The following DSCAML1 variants were observed in gnomAD, a reference collection of about 807,000 sequenced individuals.
DSCAML1 encodes the protein DS cell adhesion molecule like 1.
DSCAML1 carries 38 observed loss-of-function variants against 200.5 expected under a neutral mutation model. The observed-to-expected ratio is 0.19, with a 90% confidence interval of 0.15 to 0.25. DSCAML1 has a LOEUF of 0.25. Ranked by LOEUF, DSCAML1 falls within the 10% of genes least tolerant of loss-of-function variation. The pLI, the probability that DSCAML1 is intolerant of heterozygous loss-of-function variation, is 1.00. For missense variants in DSCAML1, 2,223 were observed against 2,858.8 expected, an observed-to-expected ratio of 0.78 and a Z score of 5.07; for synonymous variants, 1,215 against 1,165.0, an observed-to-expected ratio of 1.04 and a Z score of -0.87.
chr11:117,517,445 TC>T (rs1423563068), intron 7 of DSCAML1, among the ~76,000 whole-genome samples: 3 of 151,926 alleles, frequency 2.0e-5, no homozygotes, highest in African/African-American at 7.3e-5. Context: ...GGGCCTCAGG[TC>T]CCCATCCAGA....
At chr11:117,727,113 C>T (rs2054145655) in intron 3 of DSCAML1, among the ~76,000 whole-genome samples, 1 of 152,052 alleles carries the variant, frequency 6.6e-6, no homozygotes, top group African/African-American at 2.4e-5. Context: ...TGTTCTTACC[C>T]CACATTTATA....
intron 3 of DSCAML1, among the ~76,000 whole-genome samples, chr11:117,685,529 C>T (rs1191002964): frequency 6.6e-6 from 1 of 152,162 alleles, no homozygotes; most frequent in Non-Finnish European, 1.5e-5. Flanking sequence ...GGTCCCAGCA[C>T]CCCTAGGTAA....
intron 1 of DSCAML1, among the ~76,000 whole-genome samples, chr11:117,782,400 G>A (rs2055280710): frequency 6.6e-6 from 1 of 152,232 alleles, no homozygotes; most frequent in Non-Finnish European, 1.5e-5. Flanking sequence ...TGCATTTGCT[G>A]TCCCCACCAG....
At chr11:117,564,698 CTTCCTTTCTTCCTTCT>C (rs943095463) in intron 3 of DSCAML1, among the ~76,000 whole-genome samples, 5 of 149,790 alleles carry the variant, frequency 3.3e-5, no homozygotes, top group East Asian at 2.0e-4. Context: ...CCTATCCTTC[CTTCCTTTCTTCCTTCT>C]TTCCTTTCCT....
chr11:117,722,014 T>C (rs538666508), intron 3 of DSCAML1, among the ~76,000 whole-genome samples: 52 of 152,032 alleles, frequency 3.4e-4, no homozygotes, highest in Non-Finnish European at 7.1e-4. Context: ...CTGTTTTTGG[T>C]TTGGTATTGT....
intron 3 of DSCAML1, among the ~76,000 whole-genome samples, chr11:117,664,967 C>G (rs981019748): frequency 6.6e-6 from 1 of 152,184 alleles, no homozygotes; most frequent in Non-Finnish European, 1.5e-5. Context: ...CTGGGCACCC[C>G]CAGACCCAGC....
chr11:117,483,991 T>C (rs1592649279), intron 11 of DSCAML1, among the ~76,000 whole-genome samples: 2 of 151,504 alleles, frequency 1.3e-5, no homozygotes. Flanking sequence ...AGGGGCTTTG[T>C]CTTCTCTGTC....
Position 117,750,505 on chromosome 11 carries a change from A to G in DSCAML1, c.511+26286T>C, listed in dbSNP as rs569745797. ...GCACATGTGTTGGGCAGAGAAGGAT[A>G]AACAACACCCAGTGAACGTGGATGA... On this transcript the variant is annotated intron_variant, in intron 3 of 32. Transcript: ENST00000651296. Among the ~76,000 whole-genome samples, 103 of 152,322 alleles carry G rather than the reference A, an allele frequency of 6.8e-4. 1 individual carries two copies. Among genetic ancestry groups the G allele is most frequent in the Non-Finnish European group, 1.3e-3 (90 of 68,022 alleles).
chr11:117,640,562 ACTC>A (rs1419362939), intron 3 of DSCAML1, among the ~76,000 whole-genome samples: 8 of 151,920 alleles, frequency 5.3e-5, no homozygotes, highest in African/African-American at 1.7e-4. Flanking sequence ...ATCATCCCTG[ACTC>A]CTCTCTCTCA....
At chr11:117,675,698 C>T (rs2053198931) in intron 3 of DSCAML1, among the ~76,000 whole-genome samples, 1 of 151,930 alleles carries the variant, frequency 6.6e-6, no homozygotes, top group Non-Finnish European at 1.5e-5. Flanking sequence ...CAGGTCCCCC[C>T]TTTCCCCCCA....
intron 1 of DSCAML1, among the ~76,000 whole-genome samples, chr11:117,816,620 G>T (rs904712149): frequency 6.6e-6 from 1 of 152,138 alleles, no homozygotes; most frequent in Non-Finnish European, 1.5e-5. Flanking sequence ...GGGAGGAGAC[G>T]CTACACCACC....
chr11:117,428,981 G>A (rs559620443), intron 32 of DSCAML1, among the ~76,000 whole-genome samples, 178 bp from the exon 33 acceptor site: 12 of 152,200 alleles, frequency 7.9e-5, no homozygotes, highest in African/African-American at 2.7e-4. Context: ...CTGAGCCTTC[G>A]TTTCCTTATC....
intron 19 of DSCAML1, among the ~76,000 whole-genome samples, chr11:117,452,986 A>C (rs2048308207): frequency 6.6e-6 from 1 of 152,096 alleles, no homozygotes; most frequent in South Asian, 2.1e-4. Context: ...GCTGAAGTGC[A>C]GTGGTGTGGT....
chr11:117,708,012 A>T (rs2053784118), intron 3 of DSCAML1, among the ~76,000 whole-genome samples: 1 of 152,168 alleles, frequency 6.6e-6, no homozygotes, highest in Non-Finnish European at 1.5e-5. Context: ...CATTAGGGCA[A>T]TGGCAAAGTG....
chr11:117,732,389 A>G (rs2054237949), intron 3 of DSCAML1, among the ~76,000 whole-genome samples: 1 of 152,116 alleles, frequency 6.6e-6, no homozygotes, highest in Non-Finnish European at 1.5e-5. Flanking sequence ...CTGCTCACCT[A>G]TTTCACACAC....
intron 3 of DSCAML1, among the ~76,000 whole-genome samples, chr11:117,597,619 T>A (rs568576489): frequency 5.3e-5 from 8 of 152,182 alleles, no homozygotes; most frequent in African/African-American, 1.9e-4. Flanking sequence ...CAGCTATTTG[T>A]TGTTGTTGTT....
At position 117,499,800 on chromosome 11, in the gene DSCAML1, A is replaced by G. The variant is rs190289548; in HGVS notation, c.2359+4045T>C. Among the ~76,000 whole-genome samples the G allele has an allele frequency of 6.5e-3, 994 of 152,324 alleles. 5 individuals are homozygous for G. Among genetic ancestry groups the G allele is most frequent in the Non-Finnish European group, 0.011 (752 of 68,026 alleles). ...GGTTGGTTGCCATCAAAGATGTCCA[A>G]GGACTTGGAAAACCACTTGCCTGCT... On this transcript the variant is annotated intron_variant, in intron 11 of 32. Transcript: ENST00000651296.
At chr11:117,692,105 T>C (rs574011695) in intron 3 of DSCAML1, among the ~76,000 whole-genome samples, 7 of 152,116 alleles carry the variant, frequency 4.6e-5, no homozygotes, top group Non-Finnish European at 5.9e-5. Flanking sequence ...TCTTCACACC[T>C]TGGTGCAGAG....
At position 117,650,700 on chromosome 11, in the gene DSCAML1, T is replaced by TGC. The variant is rs1555194702; in HGVS notation, c.512-118180_512-118179dup. 1.4e-3 allele frequency among the ~76,000 whole-genome samples: 204 copies of TGC among 147,458 alleles called. 2 individuals carry two copies. Among genetic ancestry groups the TGC allele is most frequent in the African/African-American group, 4.8e-3 (192 of 40,028 alleles). On this transcript the variant is annotated intron_variant, in intron 3 of 32. Coordinates refer to ENST00000651296, the MANE Select transcript of DSCAML1 (RefSeq NM_020693.4). ...GTGTGTGTGTGTGTGTGTGTGTGTG[T>TGC]GCGTGTGTGTGTGTGGTGGGGATTG...
Sources: allele counts gnomAD v4.1 joint callset (sites outside exome capture counted in the v4.1 genomes callset), GRCh38; gene constraint gnomAD v4.1.1; transcripts MANE v1.5; gene names NCBI Gene and HGNC (gene_info 2026-07-23, HGNC 2026-07-21).